Variants in KIF13B observed in about 807,000 individuals in gnomAD.
The protein encoded by KIF13B is kinesin family member 13B.
In KIF13B, 127 loss-of-function variants were observed where a neutral mutation model predicts 222.0. The observed-to-expected ratio is 0.57, with a 90% confidence interval of 0.50 to 0.66. The LOEUF (loss-of-function observed/expected upper bound fraction) is 0.66, where lower values mean the gene tolerates loss of function less well. Among genes scored for constraint, KIF13B ranks in the 30% least tolerant of loss-of-function variants. The probability of loss-of-function intolerance (pLI) is 0.00; values close to 1 mark genes in which losing one functional copy is unlikely to be tolerated. For synonymous variants in KIF13B, 976 were observed against 919.0 expected (o/e 1.06, Z -1.12); for missense variants, 2,173 against 2,379.0 (o/e 0.91, Z 1.80).
Position 29,180,227 on chromosome 8 carries a change from C to T in KIF13B, c.597G>A (p.Ser199=), listed in dbSNP as rs368755041. ...GAGATTTGTTACCCTCAGACATCAA[C>T]GACTCAATATCCTAAGTGGAAACAA... ...LAVTSYKDIE[S]LMSEGNKSRT... Residue 199 remains serine (S), a synonymous_variant, in exon 8 of 40, where the codon TCG becomes TCA. Transcript: ENST00000524189. 23 of 1,613,836 alleles carry T rather than the reference C, an allele frequency of 1.4e-5. No individual in the cohort carries two copies. Among genetic ancestry groups the T allele is most frequent in the Non-Finnish European group, 1.9e-5 (23 of 1,179,866 alleles).
chr8:29,219,282 G>A (rs942220424), intron 2 of KIF13B: 1 of 152,194 alleles, frequency 6.6e-6, no homozygotes, highest in African/African-American at 2.4e-5. Flanking sequence ...GCCGATGCCA[G>A]GCAGACCCAA....
At chr8:29,253,881 C>A (rs1046939119) in intron 1 of KIF13B, among the ~76,000 whole-genome samples, 13 of 142,890 alleles carry the variant, frequency 9.1e-5, no homozygotes, top group African/African-American at 2.1e-4. Context: ...ACTAGAATAG[C>A]CAAAACAATC....
chr8:29,183,172 T>TG (rs1345697173), intron 6 of KIF13B, among the ~76,000 whole-genome samples: 29 of 146,412 alleles, frequency 2.0e-4, no homozygotes, highest in African/African-American at 3.2e-4. Flanking sequence ...AAGTTTGTTT[T>TG]TTTTTTTTTT....
At chr8:29,120,099 T>C (rs1401119710) in intron 29 of KIF13B, among the ~76,000 whole-genome samples, 1 of 151,864 alleles carries the variant, frequency 6.6e-6, no homozygotes, top group Non-Finnish European at 1.5e-5. Flanking sequence ...AGTGGCAGAG[T>C]ATATGTAAAA....
intron 38 of KIF13B, among the ~76,000 whole-genome samples, chr8:29,074,405 G>C (rs1178165828): frequency 6.6e-6 from 1 of 152,234 alleles, no homozygotes; most frequent in Non-Finnish European, 1.5e-5. Flanking sequence ...ATCCCCACTT[G>C]ACTGGAGTTG....
At chr8:29,130,275 G>A (rs1810286898) in intron 24 of KIF13B, among the ~76,000 whole-genome samples, 1 of 152,192 alleles carries the variant, frequency 6.6e-6, no homozygotes, top group Non-Finnish European at 1.5e-5. Context: ...ACTTTGGAAG[G>A]CCAAGGTGGG....
chr8:29,145,089 T>C (rs1281189915), intron 18 of KIF13B, among the ~76,000 whole-genome samples: 1 of 152,242 alleles, frequency 6.6e-6, no homozygotes, highest in Non-Finnish European at 1.5e-5. Context: ...ACCTTCTCCT[T>C]GTGACTGGCC....
At chr8:29,203,616 G>A (rs1488942949) in intron 2 of KIF13B, among the ~76,000 whole-genome samples, 1 of 152,194 alleles carries the variant, frequency 6.6e-6, no homozygotes, top group Non-Finnish European at 1.5e-5. Context: ...AAATGCGCCA[G>A]GTGCGGTGGC....
At chr8:29,226,984 C>A (rs1167968997) in intron 2 of KIF13B, among the ~76,000 whole-genome samples, 1 of 152,156 alleles carries the variant, frequency 6.6e-6, no homozygotes, top group Non-Finnish European at 1.5e-5. Context: ...TTAATACTCA[C>A]CCCTAAGACA....
chr8:29,233,980 TA>T (rs747889015), intron 2 of KIF13B, among the ~76,000 whole-genome samples: 3 of 152,254 alleles, frequency 2.0e-5, no homozygotes, highest in Non-Finnish European at 2.9e-5. Flanking sequence ...CAAAATAATG[TA>T]TTAATTTGAA....
chr8:29,098,656 A>AGG (rs1808652306), intron 36 of KIF13B, among the ~76,000 whole-genome samples: 1 of 151,832 alleles, frequency 6.6e-6, no homozygotes, highest in African/African-American at 2.4e-5. Flanking sequence ...CCCCACAAAG[A>AGG]GGATTCCAGG....
chr8:29,118,211 C>A (rs1255676601), intron 30 of KIF13B, among the ~76,000 whole-genome samples: 1 of 151,328 alleles, frequency 6.6e-6, no homozygotes, highest in Admixed American at 6.6e-5. Flanking sequence ...CAAATCCCAG[C>A]CAGGCACAGT....
In KIF13B at chr8:29,124,005, T is replaced by C. The variant is rs767670163; in HGVS notation, c.3352+19A>G. ...CATTGATTTGCAGGGGAGAAAAATA[T>C]TCTATTTGTTTTTCCTACCACGTTT... On this transcript the variant is annotated intron_variant, in intron 27 of 39. Transcript: ENST00000524189. 6.8e-7 allele frequency: 1 copy of C among 1,471,794 alleles called. No homozygotes were observed. 91.2% of individuals were successfully genotyped at this position (1,471,794 alleles called of 1,614,324 possible).
At chr8:29,116,284 A>T (rs528516150) in intron 31 of KIF13B, among the ~76,000 whole-genome samples, 3 of 152,212 alleles carry the variant, frequency 2.0e-5, no homozygotes, top group Non-Finnish European at 4.4e-5. Flanking sequence ...CCCTGGCAGC[A>T]TGGCGAGACC....
chr8:29,156,162 G>C (rs970165752), intron 13 of KIF13B, among the ~76,000 whole-genome samples: 2 of 151,932 alleles, frequency 1.3e-5, no homozygotes, highest in Non-Finnish European at 2.9e-5. Context: ...GTACAGACAG[G>C]GTTTCACCAT....
chr8:29,072,157 G>C lies in KIF13B; in HGVS notation c.4681C>G (p.Leu1561Val). Residue 1561 changes from leucine to valine, a missense_variant, in exon 39 of 40, where the codon CTG becomes GTG. This residue lies in a region of KIF13B where 693 missense variants were observed against 656.2 expected (regional missense o/e 1.06). Coordinates refer to ENST00000524189, the MANE Select transcript of KIF13B (RefSeq NM_015254.4). Reference sequence around the variant, plus strand: ...AAGTACCCGCTAGAGGCTTCACTCAGGGGGCTGGGGGGCCCGTCCTGTGCC... The same window carrying C: ...AAGTACCCGCTAGAGGCTTCACTCACGGGGCTGGGGGGCCCGTCCTGTGCC... Reference protein sequence around the residue: ...PEAQDGPPSPLSEASSGYFSH... With the variant: ...PEAQDGPPSPVSEASSGYFSH... The C allele has an allele frequency of 1.4e-6, 2 of 1,418,148 alleles. No individual in the cohort carries two copies. The highest frequency in any genetic ancestry group is 1.8e-6 in the Non-Finnish European group (2 of 1,085,232). The allele number at this position is 1,418,148 out of a possible 1,614,324, so 87.8% of individuals were successfully genotyped here.
At chr8:29,212,745 T>C (rs1814287295) in intron 2 of KIF13B, among the ~76,000 whole-genome samples, 2 of 151,456 alleles carry the variant, frequency 1.3e-5, no homozygotes, top group South Asian at 4.2e-4. Flanking sequence ...ATTTGTAAAC[T>C]TCACATTTAA....
chr8:29,080,633 A>G (rs1807766985), intron 37 of KIF13B, among the ~76,000 whole-genome samples: 2 of 152,192 alleles, frequency 1.3e-5, no homozygotes, highest in South Asian at 4.1e-4. Flanking sequence ...AGGTATAGTT[A>G]TTTTAAATGC....
intron 12 of KIF13B, among the ~76,000 whole-genome samples, chr8:29,162,604 C>T (rs912709294): frequency 1.3e-4 from 20 of 152,190 alleles, no homozygotes; most frequent in African/African-American, 4.3e-4. Context: ...TACACTACTT[C>T]CCTGTGCATA....
Sources: allele counts gnomAD v4.1 joint callset (sites outside exome capture counted in the v4.1 genomes callset), GRCh38; gene constraint gnomAD v4.1.1; regional missense constraint gnomAD v4.1.1; transcripts MANE v1.5; gene names NCBI Gene and HGNC (gene_info 2026-07-23, HGNC 2026-07-21).